The following RCAN1 variants were observed in gnomAD, a reference collection of about 807,000 sequenced individuals.
The protein encoded by RCAN1 is calcipressin-1.
A neutral mutation model predicts 22.9 loss-of-function variants in RCAN1; 11 were observed. The ratio of observed to expected loss-of-function variants is 0.48; its 90% CI spans 0.30 to 0.79. The LOEUF is 0.79. RCAN1 is among the 30% of genes least tolerant of loss of function. The pLI is 0.06. For synonymous variants in RCAN1, 136 were observed against 142.3 expected (o/e 0.96, Z 0.32); for missense variants, 291 against 337.8 (o/e 0.86, Z 1.09).
chr21:34,521,173 A>G, intron 3 of RCAN1: 3 of 1,357,900 alleles, frequency 2.2e-6, no homozygotes, highest in Non-Finnish European at 1.9e-6. Context: ...ATCCGGAGCG[A>G]CAGAACCTGG....
At chr21:34,542,908 T>G (rs573693744) in intron 1 of RCAN1, among the ~76,000 whole-genome samples, 258 of 152,332 alleles carry the variant, frequency 1.7e-3, no homozygotes, top group Non-Finnish European at 2.6e-3. Flanking sequence ...TGTAGAAGTA[T>G]GGACTCTGGA....
At chr21:34,580,239 G>A (rs1202631233) in intron 1 of RCAN1, among the ~76,000 whole-genome samples, 1 of 152,252 alleles carries the variant, frequency 6.6e-6, no homozygotes, top group East Asian at 1.9e-4. Context: ...GCTAGAGACA[G>A]AGGCCGGCCT....
intron 1 of RCAN1, among the ~76,000 whole-genome samples, chr21:34,563,788 T>TAGAGAGAGAG (rs1349261254): frequency 6.4e-5 from 6 of 94,096 alleles, no homozygotes; most frequent in Non-Finnish European, 1.1e-4. Flanking sequence ...TATATATATA[T>TAGAGAGAGAG]ATATATAGAG....
intron 1 of RCAN1, among the ~76,000 whole-genome samples, chr21:34,569,318 C>T (rs1471353510): frequency 1.3e-5 from 2 of 152,154 alleles, no homozygotes; most frequent in Non-Finnish European, 2.9e-5. Flanking sequence ...TTTTTTTAGA[C>T]TATAGCTTAT....
chr21:34,552,509 G>C (rs1258162858), intron 1 of RCAN1, among the ~76,000 whole-genome samples: 1 of 152,188 alleles, frequency 6.6e-6, no homozygotes, highest in African/African-American at 2.4e-5. Flanking sequence ...ACAGGGCAGA[G>C]AAACAGGGCA....
At chr21:34,596,121 G>A (rs943896505) in intron 1 of RCAN1, among the ~76,000 whole-genome samples, 2 of 152,196 alleles carry the variant, frequency 1.3e-5, no homozygotes, top group African/African-American at 4.8e-5. Flanking sequence ...AGCCCTGTGA[G>A]GTGGCTATTA....
intron 1 of RCAN1, 103 bp from the exon 2 acceptor site, chr21:34,523,813 T>G: frequency 7.4e-6 from 7 of 949,824 alleles, no homozygotes; most frequent in Non-Finnish European, 1.1e-5. Context: ...GACAGAGTCT[T>G]GCTCTGTCAC....
At chr21:34,548,244 T>A (rs1986223291) in intron 1 of RCAN1, among the ~76,000 whole-genome samples, 1 of 152,204 alleles carries the variant, frequency 6.6e-6, no homozygotes, top group African/African-American at 2.4e-5. Flanking sequence ...ATTTTACTAC[T>A]CTTTGAGAAG....
At chr21:34,568,296 C>A (rs1987106563) in intron 1 of RCAN1, among the ~76,000 whole-genome samples, 1 of 152,178 alleles carries the variant, frequency 6.6e-6, no homozygotes, top group Non-Finnish European at 1.5e-5. Context: ...AAGTGCTCTA[C>A]CTTTGATGCA....
intron 1 of RCAN1, among the ~76,000 whole-genome samples, chr21:34,564,334 G>A (rs1186851466): frequency 2.0e-5 from 3 of 152,148 alleles, no homozygotes; most frequent in African/African-American, 7.2e-5. Context: ...GGCAGGAAAT[G>A]AATAAGAAAT....
At chr21:34,522,894 T>A (rs1439320713) in intron 2 of RCAN1, 1 of 151,982 alleles carries the variant, frequency 6.6e-6, no homozygotes, top group African/African-American at 2.4e-5. Flanking sequence ...TGTCCTAAGT[T>A]CCCCAGAGGA....
chr21:34,529,245 G>T (rs1985245127), intron 1 of RCAN1, among the ~76,000 whole-genome samples: 1 of 152,184 alleles, frequency 6.6e-6, no homozygotes, highest in Non-Finnish European at 1.5e-5. Flanking sequence ...CCTGGATCAG[G>T]GGGAGGGCAC....
At chr21:34,521,347 A>C (rs1319488077) in intron 3 of RCAN1, 152 bp downstream of exon 3, 1 of 1,515,918 alleles carries the variant, frequency 6.6e-7, no homozygotes, top group Non-Finnish European at 8.8e-7. Flanking sequence ...TCCCAGCACA[A>C]GGGACGGTGG....
intron 1 of RCAN1, among the ~76,000 whole-genome samples, chr21:34,533,023 CT>C (rs1985486739): frequency 6.6e-6 from 1 of 150,542 alleles, no homozygotes; most frequent in South Asian, 2.1e-4. Context: ...TGCAGTGGCA[CT>C]ATCTCGGCTC....
chr21:34,563,947 CAG>C (rs1467062043), intron 1 of RCAN1, among the ~76,000 whole-genome samples: 1 of 151,006 alleles, frequency 6.6e-6, no homozygotes, highest in Admixed American at 6.6e-5. Context: ...GCGTGGGCGA[CAG>C]AGTGAGACTC....
chr21:34,586,707 C>A (rs1987810578), intron 1 of RCAN1, among the ~76,000 whole-genome samples: 1 of 152,194 alleles, frequency 6.6e-6, no homozygotes, highest in African/African-American at 2.4e-5. Context: ...AACCCCAGCA[C>A]TTTGGGAGGC....
chr21:34,538,721 A>C (rs1386695276), intron 1 of RCAN1, among the ~76,000 whole-genome samples: 1 of 152,076 alleles, frequency 6.6e-6, no homozygotes, highest in Non-Finnish European at 1.5e-5. Context: ...TGATACCCCC[A>C]CGTTGGTCAG....
intron 1 of RCAN1, among the ~76,000 whole-genome samples, chr21:34,612,886 G>A (rs1988719237): frequency 6.6e-6 from 1 of 152,142 alleles, no homozygotes; most frequent in African/African-American, 2.4e-5. Flanking sequence ...ACAGTGTTAG[G>A]ACCTGACCAC....
chr21:34,527,163 A>G (rs930422952), intron 1 of RCAN1, among the ~76,000 whole-genome samples: 1 of 152,194 alleles, frequency 6.6e-6, no homozygotes, highest in Non-Finnish European at 1.5e-5. Context: ...TCCTCGGCCG[A>G]ATGGGACGAC....
Sources: gnomAD v4.1 joint callset for allele counts (sites outside exome capture counted in the v4.1 genomes callset) on GRCh38, gnomAD v4.1.1 for gene constraint, MANE v1.5 for transcripts, NCBI Gene and HGNC (gene_info 2026-07-23, HGNC 2026-07-21) for gene names.